Variants in ULK4 observed in about 807,000 individuals in gnomAD.
ULK4 encodes the protein unc-51 like kinase 4.
In ULK4, 133 loss-of-function variants were observed where a neutral mutation model predicts 160.6. That is an observed-to-expected ratio of 0.83 (90% CI 0.72 to 0.96). The LOEUF is 0.96. Ranked by LOEUF, ULK4 falls within the 40% of genes least tolerant of loss-of-function variation. The pLI is 0.00. For synonymous variants in ULK4, 534 were observed against 539.8 expected (o/e 0.99, Z 0.15); for missense variants, 1,580 against 1,499.5 (o/e 1.05, Z -0.89).
chr3:41,937,039 CAT>C (rs1213585598), intron 3 of ULK4: 1 of 334,226 alleles, frequency 3.0e-6, no homozygotes, highest in Non-Finnish European at 5.5e-6. Flanking sequence ...AATACACACA[CAT>C]ACTATATACC....
chr3:41,386,691 C>G (rs1044462659), intron 35 of ULK4, among the ~76,000 whole-genome samples: 4 of 152,150 alleles, frequency 2.6e-5, no homozygotes, highest in Non-Finnish European at 5.9e-5. Context: ...GTTGATTTTT[C>G]CTATTAAATG....
At chr3:41,725,914 A>G (rs1481356527) in intron 22 of ULK4, among the ~76,000 whole-genome samples, 1 of 152,228 alleles carries the variant, frequency 6.6e-6, no homozygotes, top group Non-Finnish European at 1.5e-5. Context: ...TGATTCAAAA[A>G]TGAGCTTCTC....
At chr3:41,823,277 G>C (rs1439141730) in intron 18 of ULK4, among the ~76,000 whole-genome samples, 1 of 152,124 alleles carries the variant, frequency 6.6e-6, no homozygotes, top group Non-Finnish European at 1.5e-5. Context: ...TGGCATAGTG[G>C]GTTTAAGGAA....
intron 27 of ULK4, among the ~76,000 whole-genome samples, chr3:41,685,420 C>T (rs1226412617): frequency 6.6e-6 from 1 of 152,214 alleles, no homozygotes; most frequent in African/African-American, 2.4e-5. Context: ...CACTACCTCA[C>T]TGATGTCTTA....
chr3:41,516,936 C>G (rs13062908), intron 32 of ULK4, among the ~76,000 whole-genome samples: 23,915 of 152,108 alleles, frequency 0.16, 1,996 homozygotes, highest in Admixed American at 0.2. Flanking sequence ...CTCATGTATC[C>G]CATAAATATA....
In ULK4 at chr3:41,828,518, C is replaced by T. The variant is rs1575783134; in HGVS notation, c.1764+7346G>A. ...TATACACCAATAACAGACAGAGAGC[C>T]AAATCATGAGTGAACTCCCATTCAC... On this transcript the variant is annotated intron_variant, in intron 18 of 36. Transcript: ENST00000301831. Among the ~76,000 whole-genome samples the T allele has an allele frequency of 1.5e-5, 2 of 132,284 alleles. 1 individual carries two copies. Among genetic ancestry groups the T allele is most frequent in the African/African-American group, 6.8e-5 (2 of 29,250 alleles). The allele number at this position is 132,284 out of a possible 152,430, so 86.8% of individuals were successfully genotyped here.
intron 32 of ULK4, among the ~76,000 whole-genome samples, chr3:41,526,763 T>C (rs529421961): frequency 2.0e-5 from 3 of 152,322 alleles, no homozygotes; most frequent in South Asian, 4.1e-4. Flanking sequence ...ATTCACAATA[T>C]TTGGCCAGTA....
chr3:41,835,910 C>A lies in ULK4; in HGVS notation c.1718G>T (p.Cys573Phe), dbSNP rs746587262. 1.9e-6 allele frequency: 3 copies of A among 1,612,510 alleles called. No individual in the cohort carries two copies. Reference sequence around the variant, plus strand: ...CAGCTCCCCAAGGGTTGGTAAAAGGCACTGTTTTAATTTGCTGTTCCTGAA... The same window carrying A: ...CAGCTCCCCAAGGGTTGGTAAAAGGAACTGTTTTAATTTGCTGTTCCTGAA... Reference protein sequence around the residue: ...ENFRNSKLKQCLLPTLGELIY... With the variant: ...ENFRNSKLKQFLLPTLGELIY... The change falls in exon 18 of 37, where the codon TGC (cysteine) becomes TTC (phenylalanine). Residue 573 changes from cysteine to phenylalanine, a missense_variant. Cys to Phe is a radical substitution (Grantham distance 205, BLOSUM62 -2). Coordinates refer to ENST00000301831, the MANE Select transcript of ULK4 (RefSeq NM_017886.4).
In ULK4 at chr3:41,813,699, T is replaced by C. The variant is rs536996094; in HGVS notation, c.1848+5724A>G. On this transcript the variant is annotated intron_variant, in intron 19 of 36. Coordinates refer to ENST00000301831, the MANE Select transcript of ULK4 (RefSeq NM_017886.4). ...TCTGGTTTTTTAAATTGTTACAGTC[T>C]AAATTTATCCTACAGTCTAAATTTC... Among the ~76,000 whole-genome samples, 81 of 152,388 alleles carry C rather than the reference T, an allele frequency of 5.3e-4. 1 individual carries two copies. Among genetic ancestry groups the C allele is most frequent in the Non-Finnish European group, 1.1e-3 (74 of 68,040 alleles).
intron 35 of ULK4, among the ~76,000 whole-genome samples, chr3:41,345,036 T>C (rs977251686): frequency 8.5e-5 from 13 of 152,168 alleles, no homozygotes; most frequent in African/African-American, 3.1e-4. Context: ...AAGCCCAACA[T>C]CACTGATCAT....
chr3:41,650,845 G>C (rs1178854702), intron 30 of ULK4, among the ~76,000 whole-genome samples: 1 of 152,192 alleles, frequency 6.6e-6, no homozygotes, highest in African/African-American at 2.4e-5. Context: ...TGGTGGTCTG[G>C]ATCTGGCCAG....
At chr3:41,444,947 A>G (rs1470897544) in intron 34 of ULK4, among the ~76,000 whole-genome samples, 1 of 152,182 alleles carries the variant, frequency 6.6e-6, no homozygotes, top group African/African-American at 2.4e-5. Context: ...CTGTTTGAAG[A>G]TGACATGATT....
chr3:41,577,833 G>A (rs1258757732), intron 31 of ULK4, among the ~76,000 whole-genome samples: 2 of 152,176 alleles, frequency 1.3e-5, no homozygotes, highest in East Asian at 1.9e-4. Flanking sequence ...AGTCAAAGGT[G>A]TACTTTTATA....
At chr3:41,880,236 A>T (rs1334770798) in intron 17 of ULK4, among the ~76,000 whole-genome samples, 1 of 152,198 alleles carries the variant, frequency 6.6e-6, no homozygotes, top group African/African-American at 2.4e-5. Context: ...GTTTTTTAAA[A>T]TTATTACACA....
intron 30 of ULK4, among the ~76,000 whole-genome samples, chr3:41,638,725 C>G (rs534032966): frequency 1.3e-5 from 2 of 152,280 alleles, no homozygotes; most frequent in Middle Eastern, 3.4e-3. Context: ...TAACTGTCAT[C>G]ACATAAAATC....
At position 41,246,708 on chromosome 3, in the gene ULK4, T is replaced by C. The variant is rs2078650523; in HGVS notation, c.*221A>G. The C allele has an allele frequency of 1.9e-6, 1 of 538,704 alleles. No homozygotes were observed. The highest frequency in any genetic ancestry group is 3.0e-5 in the East Asian group (1 of 33,568). The allele number at this position is 538,704 out of a possible 1,614,324, so 33.4% of individuals were successfully genotyped here. Reference sequence around the variant, plus strand: ...TGAGAACAGCTAACAAACCTGGGCTTCCCAGATGCATTCCACAGGAACCAA... The same window carrying C: ...TGAGAACAGCTAACAAACCTGGGCTCCCCAGATGCATTCCACAGGAACCAA... On this transcript the variant is annotated 3_prime_UTR_variant, in exon 37 of 37. Coordinates refer to ENST00000301831, the MANE Select transcript of ULK4 (RefSeq NM_017886.4).
chr3:41,439,791 A>G (rs1176033022), intron 34 of ULK4, among the ~76,000 whole-genome samples: 1 of 152,204 alleles, frequency 6.6e-6, no homozygotes, highest in Admixed American at 6.5e-5. Context: ...CTGGGACCAC[A>G]TTGAGTTTAC....
At chr3:41,490,302 C>A (rs1311642533) in intron 32 of ULK4, among the ~76,000 whole-genome samples, 3 of 152,312 alleles carry the variant, frequency 2.0e-5, no homozygotes, top group South Asian at 4.1e-4. Context: ...CTGACCCAGT[C>A]TGAGTTCAGC....
intron 17 of ULK4, among the ~76,000 whole-genome samples, chr3:41,871,777 G>C (rs1210804977): frequency 6.6e-6 from 1 of 152,074 alleles, no homozygotes; most frequent in East Asian, 1.9e-4. Flanking sequence ...CATGTGTCTA[G>C]CTTGTCTTTT....
Sources: allele counts gnomAD v4.1 joint callset (sites outside exome capture counted in the v4.1 genomes callset), GRCh38; gene constraint gnomAD v4.1.1; transcripts MANE v1.5; gene names NCBI Gene and HGNC (gene_info 2026-07-23, HGNC 2026-07-21).